Variants in CSMD3 observed in about 807,000 individuals in gnomAD.
The protein encoded by CSMD3 is CUB and sushi domain-containing protein 3.
CSMD3 carries 177 observed loss-of-function variants against 435.2 expected under a neutral mutation model. The observed-to-expected ratio is 0.41, with a 90% CI of 0.36 to 0.46. The LOEUF is 0.46. Ranked by LOEUF, CSMD3 falls within the 20% of genes least tolerant of loss-of-function variation. CSMD3 has a pLI of 0.34. For synonymous variants in CSMD3, 1,656 were observed against 1,520.5 expected (o/e 1.09, Z -2.07); for missense variants, 4,265 against 4,504.6 (o/e 0.95, Z 1.52).
chr8:112,338,435 A>C (rs1339761040), intron 42 of CSMD3, among the ~76,000 whole-genome samples: 1 of 152,208 alleles, frequency 6.6e-6, no homozygotes, highest in Non-Finnish European at 1.5e-5. Context: ...TTAAATAAAC[A>C]TTACTAAATA....
intron 13 of CSMD3, among the ~76,000 whole-genome samples, chr8:112,726,687 A>G (rs2076971989): frequency 6.6e-6 from 1 of 151,832 alleles, no homozygotes; most frequent in Admixed American, 6.6e-5. Flanking sequence ...AGCCTTTCCT[A>G]TTTTGAAATT....
At chr8:113,085,100 T>C (rs772231326) in intron 5 of CSMD3, among the ~76,000 whole-genome samples, 8 of 152,052 alleles carry the variant, frequency 5.3e-5, no homozygotes, top group Non-Finnish European at 1.0e-4. Context: ...GAGACTCTAT[T>C]AAACTAAAGA....
intron 5 of CSMD3, among the ~76,000 whole-genome samples, chr8:113,057,971 C>G (rs1408170384): frequency 6.6e-6 from 1 of 151,664 alleles, no homozygotes; most frequent in African/African-American, 2.4e-5. Context: ...TTTGTTTAAT[C>G]TATTATAGAA....
chr8:113,263,808 G>T (rs1266787524), intron 3 of CSMD3, among the ~76,000 whole-genome samples: 1 of 151,676 alleles, frequency 6.6e-6, no homozygotes, highest in Non-Finnish European at 1.5e-5. Flanking sequence ...AAACTATCTT[G>T]TCCTTTGTGA....
At chr8:113,035,389 C>T (rs922152407) in intron 5 of CSMD3, among the ~76,000 whole-genome samples, 1 of 151,810 alleles carries the variant, frequency 6.6e-6, no homozygotes, top group African/African-American at 2.4e-5. Flanking sequence ...GATCCATATA[C>T]TGTATACTGT....
chr8:113,354,662 C>A (rs1168471714), intron 1 of CSMD3, among the ~76,000 whole-genome samples: 1 of 152,042 alleles, frequency 6.6e-6, no homozygotes, highest in East Asian at 1.9e-4. Flanking sequence ...TTTCTTGAAA[C>A]GGAGTCCAAC....
chr8:113,394,393 C>T (rs2094474361), intron 1 of CSMD3, among the ~76,000 whole-genome samples: 1 of 151,846 alleles, frequency 6.6e-6, no homozygotes, highest in South Asian at 2.1e-4. Context: ...CTTTCTATAC[C>T]TTAGAACAAA....
intron 27 of CSMD3, among the ~76,000 whole-genome samples, chr8:112,544,633 T>C (rs1421838481): frequency 6.6e-6 from 1 of 152,200 alleles, no homozygotes; most frequent in Non-Finnish European, 1.5e-5. Context: ...ATGTATGAAA[T>C]TCTTGGATTT....
intron 5 of CSMD3, among the ~76,000 whole-genome samples, chr8:113,092,021 G>T (rs1170032132): frequency 2.0e-5 from 3 of 151,958 alleles, no homozygotes; most frequent in African/African-American, 7.2e-5. Flanking sequence ...TGGCAATAAA[G>T]ATCATACACT....
intron 27 of CSMD3, among the ~76,000 whole-genome samples, chr8:112,547,695 T>C (rs776381466): frequency 1.3e-5 from 2 of 152,100 alleles, no homozygotes; most frequent in Non-Finnish European, 2.9e-5. Flanking sequence ...AAAGGGATCT[T>C]GGCACAGAGT....
intron 30 of CSMD3, among the ~76,000 whole-genome samples, chr8:112,502,122 C>G (rs1437838671): frequency 6.6e-6 from 1 of 152,152 alleles, no homozygotes; most frequent in Non-Finnish European, 1.5e-5. Context: ...ACATGGCCAG[C>G]TAGCCAGGTC....
intron 4 of CSMD3, among the ~76,000 whole-genome samples, chr8:113,134,024 T>A (rs931375278): frequency 2.6e-5 from 4 of 152,048 alleles, no homozygotes; most frequent in Non-Finnish European, 5.9e-5. Flanking sequence ...TTGAAAATGA[T>A]TAAGATGGTA....
intron 10 of CSMD3, among the ~76,000 whole-genome samples, chr8:112,875,757 T>G (rs1239557294): frequency 6.6e-6 from 1 of 152,178 alleles, no homozygotes; most frequent in African/African-American, 2.4e-5. Context: ...GCTGTGTTTT[T>G]CAGCTTCATC....
At chr8:113,433,090 G>A (rs2094684817) in intron 1 of CSMD3, among the ~76,000 whole-genome samples, 1 of 152,164 alleles carries the variant, frequency 6.6e-6, no homozygotes, top group South Asian at 2.1e-4. Context: ...CCAAACTACA[G>A]CAGGAGGGGG....
chr8:113,048,468 A>T (rs1281691150), intron 5 of CSMD3, among the ~76,000 whole-genome samples: 2 of 152,166 alleles, frequency 1.3e-5, no homozygotes, highest in African/African-American at 4.8e-5. Flanking sequence ...TACTTTTTTA[A>T]CAATCCACAG....
intron 3 of CSMD3, among the ~76,000 whole-genome samples, chr8:113,205,811 A>G (rs1447246304): frequency 2.6e-5 from 4 of 152,336 alleles, no homozygotes; most frequent in African/African-American, 4.8e-5. Context: ...AACATAAAAC[A>G]TAAGTAATGA....
chr8:112,922,807 C>T (rs963066431), intron 9 of CSMD3, among the ~76,000 whole-genome samples: 11 of 152,006 alleles, frequency 7.2e-5, no homozygotes, highest in Non-Finnish European at 1.6e-4. Flanking sequence ...GAAGTTAATC[C>T]GTATAACCAA....
chr8:112,467,331 G>A (rs1818056947), intron 32 of CSMD3, among the ~76,000 whole-genome samples: 2 of 151,816 alleles, frequency 1.3e-5, no homozygotes, highest in South Asian at 2.1e-4. Flanking sequence ...ATATGTCTTC[G>A]GGGTGTGTCT....
chr8:113,263,617 CT>C (rs1663775900), intron 3 of CSMD3, among the ~76,000 whole-genome samples: 2 of 151,882 alleles, frequency 1.3e-5, no homozygotes, highest in East Asian at 1.9e-4. Flanking sequence ...TTGGGCGCTT[CT>C]TTTTTCTGGT....
Sources: allele counts gnomAD v4.1 joint callset (sites outside exome capture counted in the v4.1 genomes callset), GRCh38; gene constraint gnomAD v4.1.1; transcripts MANE v1.5; gene names NCBI Gene and HGNC (gene_info 2026-07-23, HGNC 2026-07-21).